ATP10B: variants seen among roughly 807,000 people sequenced by gnomAD.
ATP10B encodes the protein ATPase phospholipid transporting 10B (putative), also known as phospholipid-transporting ATPase VB.
In ATP10B, 122 loss-of-function variants were observed where a neutral mutation model predicts 141.2. That is an observed-to-expected ratio of 0.86 (90% CI 0.75 to 1.00). The LOEUF is 1.00. Ranked by LOEUF, ATP10B falls within the 50% of genes least tolerant of loss-of-function variation. The probability of loss-of-function intolerance (pLI) is 0.00; values close to 1 mark genes in which losing one functional copy is unlikely to be tolerated. For synonymous variants in ATP10B, 685 were observed against 692.0 expected, an observed-to-expected ratio of 0.99 and a Z score of 0.16; for missense variants, 1,876 against 1,825.3, an observed-to-expected ratio of 1.03 and a Z score of -0.51.
chr5:160,776,116 G>T (rs1037317981), intron 2 of ATP10B, among the ~76,000 whole-genome samples: 2 of 152,276 alleles, frequency 1.3e-5, no homozygotes, highest in Admixed American at 6.5e-5. Flanking sequence ...TGAAGGGAAT[G>T]GATGGCAGGC....
the ATP10B span, among the ~76,000 whole-genome samples, chr5:160,886,905 C>T: frequency 1.3e-5 from 2 of 152,128 alleles, no homozygotes; most frequent in South Asian, 2.1e-4. Flanking sequence ...CTTGAAAATG[C>T]TCCATTAAAG....
intron 1 of ATP10B, among the ~76,000 whole-genome samples, chr5:160,848,976 T>C (rs1404469328): frequency 6.6e-6 from 1 of 152,204 alleles, no homozygotes; most frequent in Non-Finnish European, 1.5e-5. Context: ...TCCATCAGAA[T>C]CACCTGAAGG....
intron 22 of ATP10B, among the ~76,000 whole-genome samples, chr5:160,592,144 G>A (rs1416535667): frequency 1.3e-5 from 2 of 152,136 alleles, no homozygotes; most frequent in African/African-American, 4.8e-5. Flanking sequence ...GGCTTCTCAG[G>A]CCTGCCTTAG....
intron 2 of ATP10B, among the ~76,000 whole-genome samples, chr5:160,757,287 T>TA (rs1415868686): frequency 6.5e-4 from 99 of 152,358 alleles, no homozygotes; most frequent in African/African-American, 2.3e-3. Context: ...TTGATCTATA[T>TA]GCACAGACCT....
chr5:160,589,579 C>T lies in ATP10B; in HGVS notation c.3750+13G>A, dbSNP rs2127610439. 6.2e-7 allele frequency: 1 copy of T among 1,605,718 alleles called. No individual in the cohort carries two copies. The highest frequency in any genetic ancestry group is 8.5e-7 in the Non-Finnish European group (1 of 1,172,962). ...GCACAGTTTTGAAGCCAAAGGGGCT[C>T]TGGGACACTTACCCATGTCTTCATT... On this transcript the variant is annotated intron_variant, in intron 24 of 25. Coordinates refer to ENST00000327245, the MANE Select transcript of ATP10B (RefSeq NM_025153.3).
At chr5:160,696,331 A>G (rs1764363395) in intron 3 of ATP10B, among the ~76,000 whole-genome samples, 1 of 150,862 alleles carries the variant, frequency 6.6e-6, no homozygotes, top group Non-Finnish European at 1.5e-5. Context: ...CTGGTCTTGA[A>G]CTCCTGACCT....
At position 160,620,343 on chromosome 5, in the gene ATP10B, T is replaced by G. The variant is rs774664962; in HGVS notation, c.2416+4A>C. ...GCCTGGAACCCTGGTAAGGCAGGAC[T>G]CACCGCAGGCTGGGTCTTCCAGCAG... On this transcript the variant is annotated splice_donor_region_variant and intron_variant, in intron 15 of 25. Transcript: ENST00000327245. 1.2e-6 allele frequency: 2 copies of G among 1,603,108 alleles called. No individual in the cohort carries two copies. Among genetic ancestry groups the G allele is most frequent in the Non-Finnish European group, 1.7e-6 (2 of 1,173,954 alleles).
chr5:160,924,440 A>G, the ATP10B span, among the ~76,000 whole-genome samples: 1 of 152,232 alleles, frequency 6.6e-6, no homozygotes, highest in African/African-American at 2.4e-5. Flanking sequence ...AATTAAGTAA[A>G]CTTACACATA....
At chr5:160,683,775 G>A (rs1763576240) in intron 6 of ATP10B, among the ~76,000 whole-genome samples, 1 of 152,134 alleles carries the variant, frequency 6.6e-6, no homozygotes, top group East Asian at 1.9e-4. Flanking sequence ...AGCTCTGAAG[G>A]TGCTTTGTCC....
intron 24 of ATP10B, among the ~76,000 whole-genome samples, chr5:160,574,014 C>T (rs1039869243): frequency 6.6e-5 from 10 of 152,198 alleles, no homozygotes; most frequent in African/African-American, 2.4e-4. Context: ...TTACATTCCT[C>T]TAGCTGTTTT....
rs1581431862 is a variant in ATP10B, at chr5:160,732,637, AT to A, written c.-330-15604del. Among the ~76,000 whole-genome samples the A allele has an allele frequency of 3.3e-5, 5 of 152,074 alleles. No homozygotes were observed. The East Asian group carries it at 9.7e-4, about 29-fold the overall frequency. ...ATGCTGATTTATTTCTGGGTTCTCT[AT>A]TTTGTTCCATTGGTCTATGTGGCTG... On this transcript the variant is annotated intron_variant, in intron 2 of 25. Transcript: ENST00000327245.
At chr5:160,781,046 T>C (rs1208711856) in intron 2 of ATP10B, among the ~76,000 whole-genome samples, 1 of 152,148 alleles carries the variant, frequency 6.6e-6, no homozygotes, top group African/African-American at 2.4e-5. Context: ...ACAATAATAG[T>C]GTGGGCTATT....
chr5:160,805,391 T>C (rs902690190), intron 1 of ATP10B, among the ~76,000 whole-genome samples: 4 of 152,222 alleles, frequency 2.6e-5, no homozygotes, highest in Non-Finnish European at 5.9e-5. Flanking sequence ...TTAATTGTCT[T>C]GTTAAATCTG....
intron 24 of ATP10B, among the ~76,000 whole-genome samples, chr5:160,573,249 G>A (rs1754989670): frequency 6.6e-6 from 1 of 152,134 alleles, no homozygotes; most frequent in Admixed American, 6.5e-5. Context: ...TAATATAGCT[G>A]GAAGGCAGCT....
Position 160,569,667 on chromosome 5 carries a change from A to T in ATP10B, c.3767T>A (p.Val1256Asp), listed in dbSNP as rs758978005. The change falls in exon 25 of 26, where the codon GTC (valine) becomes GAC (aspartate). Residue 1256 changes from valine (V) to aspartate (D), a missense_variant. Physicochemically the swap from Val to Asp is radical, Grantham distance 152. Coordinates refer to ENST00000327245, the MANE Select transcript of ATP10B (RefSeq NM_025153.3). ...EMKTWTIFHG[V>D]VLLGSFLMYF... Reference sequence around the variant, plus strand: ...CATCAGGAAGCTGCCGAGGAGCACGACTCCGTGGAAAATGGTCTGTGGAGG... The same window carrying T: ...CATCAGGAAGCTGCCGAGGAGCACGTCTCCGTGGAAAATGGTCTGTGGAGG... 1 of 1,577,536 alleles carries T rather than the reference A, an allele frequency of 6.3e-7. No individual in the cohort carries two copies. Among genetic ancestry groups the T allele is most frequent in the South Asian group, 1.2e-5 (1 of 85,226 alleles).
the ATP10B span, among the ~76,000 whole-genome samples, chr5:160,908,840 C>T: frequency 2.0e-5 from 3 of 152,166 alleles, no homozygotes; most frequent in African/African-American, 2.4e-5. Context: ...CCCTTATTCT[C>T]ACCATCAACA....
chr5:160,591,029 A>T (rs1473114237), intron 23 of ATP10B, 30 bp downstream of exon 23: 1 of 1,545,894 alleles, frequency 6.5e-7, no homozygotes, highest in South Asian at 1.1e-5. Flanking sequence ...TCTGCAATTT[A>T]TGTGGTTAGA....
At chr5:160,861,438 A>C in the ATP10B span, among the ~76,000 whole-genome samples, 2 of 151,958 alleles carry the variant, frequency 1.3e-5, no homozygotes, top group Non-Finnish European at 2.9e-5. Flanking sequence ...AAAATAACTG[A>C]ATACTGATGT....
intron 12 of ATP10B, chr5:160,633,920 A>G (rs1759129124): frequency 3.1e-6 from 1 of 323,798 alleles, no homozygotes; most frequent in South Asian, 2.7e-5. Context: ...AGAATAGAAG[A>G]CATCTTCTGG....
Sources: gnomAD v4.1 joint callset for allele counts (sites outside exome capture counted in the v4.1 genomes callset) on GRCh38, gnomAD v4.1.1 for gene constraint, MANE v1.5 for transcripts, NCBI Gene and HGNC (gene_info 2026-07-23, HGNC 2026-07-21) for gene names.